BNC2: variants seen among roughly 807,000 people sequenced by gnomAD.
The protein encoded by BNC2 is zinc finger protein basonuclin-2.
Under a neutral mutation model 76.3 loss-of-function variants are expected in BNC2, and 20 were observed. The observed-to-expected ratio is 0.26, with a 90% CI of 0.18 to 0.38. The LOEUF is 0.38. Among genes scored for constraint, BNC2 ranks in the 10% least tolerant of loss-of-function variants. The probability of loss-of-function intolerance (pLI) is 1.00; values close to 1 mark genes in which losing one functional copy is unlikely to be tolerated. For missense variants in BNC2, 1,382 were observed against 1,399.8 expected (o/e 0.99, Z 0.20); for synonymous variants, 582 against 514.8 (o/e 1.13, Z -1.77).
intron 1 of BNC2, among the ~76,000 whole-genome samples, chr9:16,764,048 G>C (rs1416078228): frequency 6.6e-6 from 1 of 152,132 alleles, no homozygotes; most frequent in Non-Finnish European, 1.5e-5. Flanking sequence ...ATTAAAATAA[G>C]AGCTGGGATT....
At chr9:16,491,233 G>A (rs1330261005) in intron 5 of BNC2, among the ~76,000 whole-genome samples, 1 of 152,082 alleles carries the variant, frequency 6.6e-6, no homozygotes, top group Non-Finnish European at 1.5e-5. Context: ...TGCTGAGAAT[G>A]GGATTTGTGA....
chr9:16,429,420 A>G (rs897725089), intron 6 of BNC2: 2 of 152,714 alleles, frequency 1.3e-5, no homozygotes, highest in African/African-American at 2.4e-5. Context: ...TCTCAAATAA[A>G]TGGTTAAATA....
At chr9:16,555,843 T>G (rs917832242) in intron 4 of BNC2, among the ~76,000 whole-genome samples, 1 of 151,904 alleles carries the variant, frequency 6.6e-6, no homozygotes, top group African/African-American at 2.4e-5. Context: ...CACATAAATA[T>G]AGAGCAAAGG....
chr9:16,452,114 C>T (rs1009212150), intron 5 of BNC2, among the ~76,000 whole-genome samples: 8 of 152,122 alleles, frequency 5.3e-5, no homozygotes, highest in Middle Eastern at 3.2e-3. Flanking sequence ...ATTACTAGTA[C>T]GCTAGGGGTG....
At chr9:16,469,681 G>C (rs1271812843) in intron 5 of BNC2, among the ~76,000 whole-genome samples, 1 of 152,194 alleles carries the variant, frequency 6.6e-6, no homozygotes, top group Non-Finnish European at 1.5e-5. Flanking sequence ...ACAGTTTGGA[G>C]GGCTCAACAG....
chr9:16,837,622 T>A (rs941978624), intron 1 of BNC2, among the ~76,000 whole-genome samples: 16 of 152,178 alleles, frequency 1.1e-4, no homozygotes, highest in African/African-American at 3.9e-4. Context: ...GTTCTCAAAT[T>A]ATATTTGTAG....
In BNC2 at chr9:16,716,631, C is replaced by T. The variant is rs555082698; in HGVS notation, c.330+11166G>A. Among the ~76,000 whole-genome samples, 9 of 152,250 alleles carry T rather than the reference C, an allele frequency of 5.9e-5. No homozygotes were observed. In the South Asian group the frequency reaches 1.9e-3, roughly 32 times the overall value. ...TCATTTCATCCAACTATATTAAAAA[C>T]AGGCTATCTCTGACGTATTACTACA... On this transcript the variant is annotated intron_variant, in intron 3 of 6. Coordinates refer to ENST00000380672, the MANE Select transcript of BNC2 (RefSeq NM_017637.6).
intron 5 of BNC2, among the ~76,000 whole-genome samples, chr9:16,524,131 A>G (rs56663065): frequency 0.12 from 18,754 of 152,120 alleles, 3,773 homozygotes; most frequent in African/African-American, 0.42. Flanking sequence ...TGCATGGTAA[A>G]AGAAGCGAAT....
At chr9:16,522,676 G>A (rs181896713) in intron 5 of BNC2, among the ~76,000 whole-genome samples, 62 of 152,224 alleles carry the variant, frequency 4.1e-4, no homozygotes, top group Admixed American at 4.0e-3. Context: ...TGTTAAAAAC[G>A]ATAAAGCACA....
At chr9:16,701,598 T>A (rs1823514773) in intron 3 of BNC2, among the ~76,000 whole-genome samples, 1 of 152,178 alleles carries the variant, frequency 6.6e-6, no homozygotes, top group African/African-American at 2.4e-5. Flanking sequence ...TGTTCAAACT[T>A]TGGCAGGCTA....
intron 3 of BNC2, among the ~76,000 whole-genome samples, chr9:16,609,562 T>C (rs1164054439): frequency 6.6e-6 from 1 of 152,218 alleles, no homozygotes; most frequent in East Asian, 1.9e-4. Context: ...AACTTCATCC[T>C]TGTATCTCCT....
intron 3 of BNC2, among the ~76,000 whole-genome samples, chr9:16,586,031 C>T (rs948697558): frequency 1.3e-5 from 2 of 152,174 alleles, no homozygotes; most frequent in African/African-American, 4.8e-5. Context: ...AGGACCCAGC[C>T]TAACAAGGGT....
Position 16,727,867 on chromosome 9 carries a change from G to A in BNC2, c.260C>T (p.Thr87Met), listed in dbSNP as rs1324381392. The change falls in exon 3 of 7, where the codon ACG becomes ATG. Residue 87 changes from threonine to methionine, a missense_variant. Transcript: ENST00000380672. Reference sequence around the variant, plus strand: ...TGTCCCCATGAACCCTGGTTCAGCCGTAGTCGTTCTGGTTCCGAACTGCAT... The same window carrying A: ...TGTCCCCATGAACCCTGGTTCAGCCATAGTCGTTCTGGTTCCGAACTGCAT... ...NSMQFGTRTT[T>M]AEPGFMGTWQ... 16 of 1,614,176 alleles carry A rather than the reference G, an allele frequency of 9.9e-6. No individual in the cohort carries two copies. The highest frequency in any genetic ancestry group is 6.7e-5 in the East Asian group (3 of 44,882).
chr9:16,723,307 G>A (rs1259179065), intron 3 of BNC2, among the ~76,000 whole-genome samples: 2 of 151,998 alleles, frequency 1.3e-5, no homozygotes, highest in South Asian at 2.1e-4. Flanking sequence ...CTTTACTCAG[G>A]GCTTTGATTA....
At chr9:16,749,530 T>C (rs546950383) in intron 1 of BNC2, among the ~76,000 whole-genome samples, 3 of 152,086 alleles carry the variant, frequency 2.0e-5, no homozygotes, top group East Asian at 3.9e-4. Flanking sequence ...TGAGATCCCA[T>C]CGCTACAAAA....
At chr9:16,499,203 G>A in intron 5 of BNC2, among the ~76,000 whole-genome samples, 1 of 90,934 alleles carries the variant, frequency 1.1e-5, no homozygotes, top group Admixed American at 9.6e-5. Flanking sequence ...TTAATTCTTA[G>A]TAAATCTTCC....
At chr9:16,786,971 C>T (rs1334425947) in intron 1 of BNC2, among the ~76,000 whole-genome samples, 1 of 152,130 alleles carries the variant, frequency 6.6e-6, no homozygotes, top group Non-Finnish European at 1.5e-5. Flanking sequence ...AGTGATTAAA[C>T]AGGACAGGCT....
chr9:16,557,292 A>G (rs1364177286), intron 4 of BNC2, among the ~76,000 whole-genome samples: 1 of 152,034 alleles, frequency 6.6e-6, no homozygotes, highest in Admixed American at 6.5e-5. Flanking sequence ...CGAGGTCAGG[A>G]GTTTGAGACC....
intron 3 of BNC2, among the ~76,000 whole-genome samples, chr9:16,601,452 G>C (rs1348553412): frequency 2.0e-5 from 3 of 152,174 alleles, no homozygotes; most frequent in East Asian, 3.9e-4. Flanking sequence ...CAGGGGTAAA[G>C]GGAAATCCCA....
Sources: gnomAD v4.1 joint callset for allele counts (sites outside exome capture counted in the v4.1 genomes callset) on GRCh38, gnomAD v4.1.1 for gene constraint, MANE v1.5 for transcripts, NCBI Gene and HGNC (gene_info 2026-07-23, HGNC 2026-07-21) for gene names.